Variants in KLHL36 observed in about 807,000 individuals in gnomAD.
KLHL36 encodes the protein kelch-like protein 36.
KLHL36 carries 35 observed loss-of-function variants against 53.3 expected under a neutral mutation model. That is an observed-to-expected ratio of 0.66 (90% CI 0.50 to 0.87). The LOEUF is 0.87. Ranked by LOEUF, KLHL36 falls within the 40% of genes least tolerant of loss-of-function variation. The probability of loss-of-function intolerance (pLI) is 0.00; values close to 1 mark genes in which losing one functional copy is unlikely to be tolerated. For missense variants in KLHL36, 864 were observed against 897.6 expected, an observed-to-expected ratio of 0.96 and a Z score of 0.48; for synonymous variants, 472 against 398.9, an observed-to-expected ratio of 1.18 and a Z score of -2.18.
chr16:84,658,338 G>C (rs574293007), intron 3 of KLHL36: 1 of 162,166 alleles, frequency 6.2e-6, no homozygotes, highest in Non-Finnish European at 1.3e-5. Context: ...GTATGTGGCC[G>C]CACGAGGCGT....
Position 84,662,112 on chromosome 16 carries a change from GC to G in KLHL36, c.1831del (p.His611ThrfsTer31). 1 of 1,555,100 alleles carries G rather than the reference GC, an allele frequency of 6.4e-7. No individual in the cohort carries two copies. Among genetic ancestry groups the G allele is most frequent in the Non-Finnish European group, 8.7e-7 (1 of 1,148,674 alleles). ...DKKKKGKGKR[H>X]QDRGQ ...AGAAGAAGAAAGGCAAAGGCAAGAG[GC>G]ACCAGGACCGGGGCCAGTGACCCTA... On this transcript the variant is annotated frameshift_variant, in exon 5 of 5. Coordinates refer to ENST00000564996, the MANE Select transcript of KLHL36 (RefSeq NM_024731.4). LOFTEE classifies it high-confidence loss of function.
At chr16:84,656,325 A>G (rs192129407) in intron 2 of KLHL36, among the ~76,000 whole-genome samples, 1 of 150,172 alleles carries the variant, frequency 6.7e-6, no homozygotes, top group African/African-American at 2.5e-5. Flanking sequence ...GCTGGAGTGT[A>G]GTGGTGTGCT....
At chr16:84,660,363 C>T (rs1267154889) in intron 4 of KLHL36, among the ~76,000 whole-genome samples, 1 of 152,182 alleles carries the variant, frequency 6.6e-6, no homozygotes, top group Non-Finnish European at 1.5e-5. Context: ...TTGTGCAGAG[C>T]AGATGCAGTG....
intron 2 of KLHL36, 113 bp downstream of exon 2, chr16:84,651,043 C>T: frequency 1.2e-6 from 1 of 834,606 alleles, no homozygotes. Context: ...TGTTGTCAGT[C>T]TCCTTAATGA....
At chr16:84,653,578 C>T (rs1283621052) in intron 2 of KLHL36, among the ~76,000 whole-genome samples, 1 of 152,116 alleles carries the variant, frequency 6.6e-6, no homozygotes, top group East Asian at 1.9e-4. Flanking sequence ...CATGGTGAAA[C>T]CCCGTCTCTA....
chr16:84,662,000 A>G lies in KLHL36; in HGVS notation c.1718A>G (p.Asp573Gly), dbSNP rs1158744454. The G allele has an allele frequency of 6.3e-7, 1 of 1,594,230 alleles. No homozygotes were observed. Among genetic ancestry groups the G allele is most frequent in the Admixed American group, 1.8e-5 (1 of 55,776 alleles). The change falls in exon 5 of 5, where the codon GAC becomes GGC. Residue 573 changes from aspartate (D) to glycine (G), a missense_variant. By Grantham distance (94) the Asp-to-Gly change is moderately conservative. Coordinates refer to ENST00000564996, the MANE Select transcript of KLHL36 (RefSeq NM_024731.4). This position sits in a 1 kb window ranked among gnomAD's most constrained non-coding sequence, Gnocchi z 7.9. ...KTVQVYDREA[D>G]KWSRGVDLPK... ...GTGCAGGTGTACGACCGCGAGGCCGACAAGTGGAGCAGGGGCGTCGACCTG... is the reference window on the plus strand; with the variant it reads ...GTGCAGGTGTACGACCGCGAGGCCGGCAAGTGGAGCAGGGGCGTCGACCTG...
chr16:84,649,735 C>T (rs1241620972), intron 1 of KLHL36, among the ~76,000 whole-genome samples: 1 of 152,236 alleles, frequency 6.6e-6, no homozygotes, highest in Non-Finnish European at 1.5e-5. Context: ...CTGGAGTGCC[C>T]TCCCTGTGTC....
chr16:84,650,818 G>A (rs749165283), intron 1 of KLHL36, 34 bp from the exon 2 acceptor site: 3 of 1,481,646 alleles, frequency 2.0e-6, no homozygotes, highest in Non-Finnish European at 2.8e-6. Context: ...CTAGAGTTAT[G>A]ACTGCATGCT....
At chr16:84,651,813 T>C (rs1906901096) in intron 2 of KLHL36, among the ~76,000 whole-genome samples, 1 of 152,226 alleles carries the variant, frequency 6.6e-6, no homozygotes, top group African/African-American at 2.4e-5. Flanking sequence ...TCTGTGATGT[T>C]AAGATTTTGC....
At position 84,657,543 on chromosome 16, in the gene KLHL36, C is replaced by T. The variant is rs1306875054; in HGVS notation, c.736C>T (p.Leu246=). 1 of 1,610,308 alleles carries T rather than the reference C, an allele frequency of 6.2e-7. No homozygotes were observed. The highest frequency in any genetic ancestry group is 1.3e-5 in the African/African-American group (1 of 74,914). Residue 246 remains leucine, a synonymous_variant, in exon 3 of 5, where the codon CTG becomes TTG. Transcript: ENST00000564996. ...CCCGCTCATCCCCAAGAACGACCTG[C>T]TGCACCGCGTCAAGCCGGCCGTGTG... The part of the protein sequence containing the change: ...HFPLIPKNDL[L]HRVKPAVCSL...
Position 84,663,503 on chromosome 16 carries a change from C to G in KLHL36, c.*1370C>G, listed in dbSNP as rs1381238655. 6.6e-6 allele frequency: 1 copy of G among 151,334 alleles called. No individual in the cohort carries two copies. Among genetic ancestry groups the G allele is most frequent in the Non-Finnish European group, 1.5e-5 (1 of 67,936 alleles). 9.4% of individuals were successfully genotyped at this position (151,334 alleles called of 1,614,324 possible). ...GAGTGTGATGGGTTTTAAGCATGAG[C>G]CAAGGAAGGCATGAATGAGCTGTAC... is the stretch of plus-strand genomic sequence containing the variant. On this transcript the variant is annotated 3_prime_UTR_variant, in exon 5 of 5. Transcript: ENST00000564996.
In KLHL36 at chr16:84,657,559, C is replaced by G; in HGVS notation, c.752C>G (p.Pro251Arg). 6.2e-7 allele frequency: 1 copy of G among 1,610,652 alleles called. No homozygotes were observed. The highest frequency in any genetic ancestry group is 8.5e-7 in the Non-Finnish European group (1 of 1,179,866). The change falls in exon 3 of 5, where the codon CCG becomes CGG. Residue 251 changes from proline to arginine, a missense_variant. Physicochemically the swap from Pro to Arg is moderately radical, Grantham distance 103. Transcript: ENST00000564996. ...PKNDLLHRVK[P>R]AVCSLLPKEA... ...AACGACCTGCTGCACCGCGTCAAGCCGGCCGTGTGCTCGCTGCTGCCCAAG... is the reference window on the plus strand; with the variant it reads ...AACGACCTGCTGCACCGCGTCAAGCGGGCCGTGTGCTCGCTGCTGCCCAAG...
chr16:84,649,506 G>A (rs1000218197), intron 1 of KLHL36, among the ~76,000 whole-genome samples: 8 of 152,210 alleles, frequency 5.3e-5, no homozygotes, highest in Non-Finnish European at 1.0e-4. Flanking sequence ...CAGCGTGAAG[G>A]TGGAATGAAG....
At chr16:84,651,016 G>T in intron 2 of KLHL36, 86 bp downstream of exon 2, 3 of 1,162,574 alleles carry the variant, frequency 2.6e-6, no homozygotes, top group South Asian at 1.4e-5. Context: ...ATCACAGACT[G>T]ATTTTTTTGT....
rs1435179956 is a variant in KLHL36 at position 84,661,572 on chromosome 16, C to G, written c.1296-6C>G. ...CTCCCTCTGTCTCTGCCCGTCGACC[C>G]TGCAGGTTCACGTACGGCCACGCGG... On this transcript the variant is annotated splice_region_variant and splice_polypyrimidine_tract_variant and intron_variant, in intron 4 of 4. Coordinates refer to ENST00000564996, the MANE Select transcript of KLHL36 (RefSeq NM_024731.4). The surrounding 1 kb of genome is among the most constrained non-coding windows in gnomAD (Gnocchi z 7.9). The G allele has an allele frequency of 1.3e-6, 2 of 1,573,282 alleles. No individual in the cohort carries two copies. Among genetic ancestry groups the G allele is most frequent in the Non-Finnish European group, 1.7e-6 (2 of 1,155,212 alleles).
intron 3 of KLHL36, chr16:84,658,726 C>T (rs1299239639): frequency 6.6e-6 from 1 of 152,328 alleles, no homozygotes; most frequent in Non-Finnish European, 1.5e-5. Context: ...TCTCCAGCCA[C>T]TCGGTCCCCG....
At chr16:84,652,481 G>A (rs1394718992) in intron 2 of KLHL36, among the ~76,000 whole-genome samples, 2 of 152,144 alleles carry the variant, frequency 1.3e-5, no homozygotes, top group Non-Finnish European at 2.9e-5. Context: ...ATGTTGGCCA[G>A]GATGGTCTTG....
At chr16:84,653,599 T>G (rs973045539) in intron 2 of KLHL36, among the ~76,000 whole-genome samples, 2 of 152,012 alleles carry the variant, frequency 1.3e-5, no homozygotes, top group Non-Finnish European at 2.9e-5. Flanking sequence ...CTGATATATG[T>G]ATATATGCCG....
rs1028910733 is a variant in KLHL36 at position 84,661,165 on chromosome 16, G to C, written c.1296-413G>C. ...TATGGTTTTAGGCAAAACTTTTCCC[G>C]AGTGCCAGCACAGTTAGAATTGGAC... On this transcript the variant is annotated intron_variant, in intron 4 of 4. Transcript: ENST00000564996. The surrounding 1 kb of genome is among the most constrained non-coding windows in gnomAD (Gnocchi z 7.9). 6.6e-6 allele frequency among the ~76,000 whole-genome samples: 1 copy of C among 152,104 alleles called. No individual in the cohort carries two copies. The highest frequency in any genetic ancestry group is 6.5e-5 in the Admixed American group (1 of 15,276).
Sources: allele counts gnomAD v4.1 joint callset (sites outside exome capture counted in the v4.1 genomes callset), GRCh38; gene constraint gnomAD v4.1.1; non-coding constraint Gnocchi (gnomAD v3.1); transcripts MANE v1.5; gene names NCBI Gene and HGNC (gene_info 2026-07-23, HGNC 2026-07-21).